Variants in KAT2B observed in about 807,000 individuals in gnomAD.
KAT2B encodes histone acetyltransferase KAT2B.
In KAT2B, 36 loss-of-function variants were observed where a neutral mutation model predicts 105.9. The ratio of observed to expected loss-of-function variants is 0.34; its 90% CI spans 0.26 to 0.45. KAT2B has a LOEUF of 0.45. KAT2B is among the 20% of genes least tolerant of loss of function. The pLI, the probability that KAT2B is intolerant of heterozygous loss-of-function variation, is 1.00. For synonymous variants in KAT2B, 397 were observed against 377.9 expected (o/e 1.05, Z -0.59); for missense variants, 820 against 1,021.6 (o/e 0.80, Z 2.69).
chr3:20,049,720 G>A lies in KAT2B; in HGVS notation c.303+8940G>A, dbSNP rs1394004279. ...GCAGGCCATAAAGTAAACAAAATAA[G>A]CATTCTTTATTACTGGCCCAGGACA... On this transcript the variant is annotated intron_variant, in intron 1 of 17. Coordinates refer to ENST00000263754, the MANE Select transcript of KAT2B (RefSeq NM_003884.5). 2.6e-5 allele frequency among the ~76,000 whole-genome samples: 4 copies of A among 152,166 alleles called. No homozygotes were observed. In the East Asian group the frequency reaches 7.7e-4, roughly 29 times the overall value.
intron 2 of KAT2B, among the ~76,000 whole-genome samples, chr3:20,087,433 A>C (rs138886225): frequency 9.5e-4 from 145 of 152,274 alleles, no homozygotes; most frequent in African/African-American, 3.2e-3. Flanking sequence ...TGATATTTTG[A>C]GATGTATATA....
At position 20,047,769 on chromosome 3, in the gene KAT2B, T is replaced by C. The variant is rs1439213966; in HGVS notation, c.303+6989T>C. ...CTGGGATTACAGGCAAGTGCCACCA[T>C]GCCCTGTTAAATTTTTTTGTATTTT... On this transcript the variant is annotated intron_variant, in intron 1 of 17. Transcript: ENST00000263754. Among the ~76,000 whole-genome samples the C allele has an allele frequency of 2.6e-5, 4 of 151,936 alleles. 1 individual carries two copies. In the South Asian group the frequency reaches 6.2e-4, roughly 24 times the overall value.
chr3:20,120,712 AATATCTC>A (rs1171734982), intron 8 of KAT2B, among the ~76,000 whole-genome samples: 1 of 152,178 alleles, frequency 6.6e-6, no homozygotes, highest in African/African-American at 2.4e-5. Context: ...CATGGGCAAA[AATATCTC>A]TTGAGCCTAG....
In KAT2B at chr3:20,148,240, A is replaced by C; in HGVS notation, c.2157-3A>C. 3.1e-6 allele frequency: 5 copies of C among 1,612,440 alleles called. No individual in the cohort carries two copies. The highest frequency in any genetic ancestry group is 4.2e-6 in the Non-Finnish European group (5 of 1,178,860). ...GCTCCTTGTTTCCCTTTTTCCTTTC[A>C]AGTAAAGAGCCCAGAGACCCTGACC... On this transcript the variant is annotated splice_region_variant and splice_polypyrimidine_tract_variant and intron_variant, in intron 15 of 17. Transcript: ENST00000263754.
chr3:20,087,538 C>A (rs529964499), intron 2 of KAT2B, among the ~76,000 whole-genome samples: 21 of 152,142 alleles, frequency 1.4e-4, no homozygotes, highest in African/African-American at 4.6e-4. Flanking sequence ...ATTCTGTTAG[C>A]AATTTTCAAT....
intron 1 of KAT2B, among the ~76,000 whole-genome samples, chr3:20,044,880 G>T (rs1697780878): frequency 6.6e-6 from 1 of 152,186 alleles, no homozygotes; most frequent in Admixed American, 6.5e-5. Context: ...CCAGAGAAGA[G>T]AAAATGGAAG....
intron 7 of KAT2B, among the ~76,000 whole-genome samples, chr3:20,118,900 A>G (rs1699258240): frequency 6.6e-6 from 1 of 151,656 alleles, no homozygotes; most frequent in Admixed American, 6.6e-5. Context: ...ATTCTCTAAC[A>G]TAAAAACTAT....
At chr3:20,129,455 A>G (rs982675144) in intron 11 of KAT2B, among the ~76,000 whole-genome samples, 14 of 151,042 alleles carry the variant, frequency 9.3e-5, no homozygotes, top group African/African-American at 2.9e-4. Flanking sequence ...GCTCACTGCA[A>G]CCACCGCCTC....
chr3:20,053,497 T>C (rs1243412086), intron 1 of KAT2B, among the ~76,000 whole-genome samples: 1 of 152,204 alleles, frequency 6.6e-6, no homozygotes, highest in African/African-American at 2.4e-5. Context: ...AGTGTGCTGC[T>C]GCACTGTAGT....
At chr3:20,062,888 G>A (rs115453390) in intron 1 of KAT2B, among the ~76,000 whole-genome samples, 1,734 of 152,138 alleles carry the variant, frequency 0.011, 33 homozygotes, top group African/African-American at 0.04. Context: ...TGTTGTTGTT[G>A]TTGAGTTGTA....
chr3:20,063,576 T>C (rs1698175866), intron 1 of KAT2B, among the ~76,000 whole-genome samples: 1 of 131,272 alleles, frequency 7.6e-6, no homozygotes, highest in Non-Finnish European at 1.6e-5. Flanking sequence ...AGATGGTTGC[T>C]CTGTTGCCCA....
rs1229508893 is a variant in KAT2B at position 20,073,277 on chromosome 3, C to T, written c.430+818C>T. Reference sequence around the variant, plus strand: ...ATGTCAACAAGGCCAGTTTGCTGTCCGTGACTGCAAGGACATAGCACTCAC... The same window carrying T: ...ATGTCAACAAGGCCAGTTTGCTGTCTGTGACTGCAAGGACATAGCACTCAC... On this transcript the variant is annotated intron_variant, in intron 2 of 17. Coordinates refer to ENST00000263754, the MANE Select transcript of KAT2B (RefSeq NM_003884.5). 3.3e-5 allele frequency among the ~76,000 whole-genome samples: 5 copies of T among 152,222 alleles called. No individual in the cohort carries two copies. In the South Asian group the frequency reaches 6.2e-4, roughly 19 times the overall value.
chr3:20,149,684 C>G (rs3804567), intron 17 of KAT2B, among the ~76,000 whole-genome samples: 42,439 of 151,494 alleles, frequency 0.28, 6,461 homozygotes, highest in East Asian at 0.58. Flanking sequence ...TTAAAGTGAA[C>G]ACACATCTAT....
At chr3:20,062,196 T>TTATATA (rs1390849915) in intron 1 of KAT2B, among the ~76,000 whole-genome samples, 1 of 37,804 alleles carries the variant, frequency 2.6e-5, no homozygotes, top group African/African-American at 1.0e-4. Flanking sequence ...ATAAAATATA[T>TTATATA]ATATTTTATA....
Position 20,067,099 on chromosome 3 carries a change from A to G in KAT2B, c.304-5234A>G, listed in dbSNP as rs542573322. Among the ~76,000 whole-genome samples the G allele has an allele frequency of 2.6e-5, 4 of 152,258 alleles. No homozygotes were observed. The South Asian group carries it at 8.3e-4, about 32-fold the overall frequency. ...TCTTCATTCCTCTTAGTTTTCAGGG[A>G]ATTTTAATTTGTTTGGGAAGTCTCA... On this transcript the variant is annotated intron_variant, in intron 1 of 17. Coordinates refer to ENST00000263754, the MANE Select transcript of KAT2B (RefSeq NM_003884.5).
chr3:20,122,722 G>A lies in KAT2B; in HGVS notation c.1331G>A (p.Arg444Gln), dbSNP rs1414057872. The change falls in exon 9 of 18, where the codon CGA becomes CAA. Residue 444 changes from arginine to glutamine, a missense_variant. Physicochemically the swap from Arg to Gln is conservative, Grantham distance 43 (BLOSUM62 1). Transcript: ENST00000263754. Reference protein sequence around the residue: ...SHVLEEAKKPRVMGDIPMELI... With the variant: ...SHVLEEAKKPQVMGDIPMELI... ...GTTCTGGAGGAGGCCAAGAAACCCCGAGTTATGGGGGATATTCCGATGGAA... is the reference window on the plus strand; with the variant it reads ...GTTCTGGAGGAGGCCAAGAAACCCCAAGTTATGGGGGATATTCCGATGGAA... 19 of 1,613,994 alleles carry A rather than the reference G, an allele frequency of 1.2e-5. No homozygotes were observed. The highest frequency in any genetic ancestry group is 1.7e-5 in the Admixed American group (1 of 60,014).
intron 13 of KAT2B, 42 bp downstream of exon 13, chr3:20,140,406 T>C (rs779307344): frequency 1.6e-5 from 25 of 1,602,680 alleles, no homozygotes; most frequent in Non-Finnish European, 2.0e-5. Context: ...TACAGGCCAG[T>C]CTTAGCTGGG....
rs550166293 is a variant in KAT2B, at chr3:20,145,554, G to GTTTTTTTTTTTTTT, written c.2005-750_2005-737dup. 1.2e-3 allele frequency among the ~76,000 whole-genome samples: 111 copies of GTTTTTTTTTTTTTT among 92,062 alleles called. 4 individuals are homozygous for GTTTTTTTTTTTTTT. The highest frequency in any genetic ancestry group is 1.7e-3 in the Non-Finnish European group (85 of 49,638). The allele number at this position is 92,062 out of a possible 152,430, so 60.4% of individuals were successfully genotyped here. ...TTAATTTCCGGATGGGATTTTTTTA[G>GTTTTTTTTTTTTTT]TTTTTTTTTTTTTTTTTTTTTTTTT... On this transcript the variant is annotated intron_variant, in intron 13 of 17. Coordinates refer to ENST00000263754, the MANE Select transcript of KAT2B (RefSeq NM_003884.5).
At chr3:20,086,892 C>T (rs575007502) in intron 2 of KAT2B, among the ~76,000 whole-genome samples, 2 of 152,058 alleles carry the variant, frequency 1.3e-5, no homozygotes, top group African/African-American at 4.8e-5. Context: ...AGTCATTCTC[C>T]TGCCTCAGCC....
Sources: allele counts gnomAD v4.1 joint callset (sites outside exome capture counted in the v4.1 genomes callset), GRCh38; gene constraint gnomAD v4.1.1; transcripts MANE v1.5; gene names NCBI Gene and HGNC (gene_info 2026-07-23, HGNC 2026-07-21).